The following NLRP4 variants were observed in gnomAD, a reference collection of about 807,000 sequenced individuals.
The protein encoded by NLRP4 is NLR family pyrin domain containing 4.
Under a neutral mutation model 84.7 loss-of-function variants are expected in NLRP4, and 44 were observed. That is an observed-to-expected ratio of 0.52 (90% CI 0.41 to 0.67). The LOEUF is 0.67. Among genes scored for constraint, NLRP4 ranks in the 30% least tolerant of loss-of-function variants. NLRP4 has a pLI of 0.00. For missense variants in NLRP4, 1,260 were observed against 1,219.4 expected (o/e 1.03, Z -0.50); for synonymous variants, 544 against 476.4 (o/e 1.14, Z -1.85).
chr19:55,856,401 C>A (rs1984414584), intron 2 of NLRP4, among the ~76,000 whole-genome samples: 1 of 152,150 alleles, frequency 6.6e-6, no homozygotes. Context: ...CTCCCCTTCC[C>A]CTTCCAGTGT....
chr19:55,855,325 T>C (rs1268081226), intron 2 of NLRP4, among the ~76,000 whole-genome samples: 1 of 152,222 alleles, frequency 6.6e-6, no homozygotes, highest in Non-Finnish European at 1.5e-5. Context: ...TACTTACACT[T>C]CTCTCTTTTC....
At chr19:55,878,721 G>A (rs920801010) in intron 8 of NLRP4, 73 bp from the exon 9 acceptor site, 31 of 1,378,650 alleles carry the variant, frequency 2.2e-5, no homozygotes, top group African/African-American at 5.7e-5. Context: ...TCAACTAGAC[G>A]TCTAGCTCAC....
At chr19:55,866,549 C>G (rs1270204360) in intron 5 of NLRP4, among the ~76,000 whole-genome samples, 2 of 152,114 alleles carry the variant, frequency 1.3e-5, no homozygotes, top group Non-Finnish European at 2.9e-5. Flanking sequence ...TAATAGAAAA[C>G]CACACAGTTA....
At position 55,857,922 on chromosome 19, in the gene NLRP4, A is replaced by G. The variant is rs1344560966; in HGVS notation, c.529A>G (p.Ile177Val). 11 of 1,614,072 alleles carry G rather than the reference A, an allele frequency of 6.8e-6. No individual in the cohort carries two copies. Among genetic ancestry groups the G allele is most frequent in the African/African-American group, 2.7e-5 (2 of 74,934 alleles). ...KLMMAWSDNK[I>V]FRDRFLYTFY... ...GATGATGGCCTGGTCGGACAACAAG[A>G]TCTTTCGGGATAGGTTCCTGTACAC... The change falls in exon 3 of 10, where the codon ATC becomes GTC. Residue 177 changes from isoleucine to valine, a missense_variant. This residue lies in a region of NLRP4 where 712 missense variants were observed against 669.2 expected (regional missense o/e 1.06). Transcript: ENST00000301295.
chr19:55,870,384 G>A (rs1975281), intron 6 of NLRP4, among the ~76,000 whole-genome samples: 5,584 of 152,238 alleles, frequency 0.037, 327 homozygotes, highest in African/African-American at 0.13. Flanking sequence ...TGAGAGGGCC[G>A]GACGCGGTGG....
At chr19:55,861,874 G>A (rs1239119806) in intron 4 of NLRP4, 118 bp from the exon 5 acceptor site, 1 of 780,308 alleles carries the variant, frequency 1.3e-6, no homozygotes, top group African/African-American at 1.7e-5. Context: ...ACTGAGCTGT[G>A]TCATTGGGCT....
At chr19:55,839,481 A>T (rs910441099) in intron 1 of NLRP4, among the ~76,000 whole-genome samples, 4 of 67,754 alleles carry the variant, frequency 5.9e-5, no homozygotes, top group Non-Finnish European at 7.6e-5. Flanking sequence ...GGAAGAGTTA[A>T]AAAAAAAAAA....
At position 55,861,483 on chromosome 19, in the gene NLRP4, G is replaced by C; in HGVS notation, c.1954G>C (p.Glu652Gln). The C allele has an allele frequency of 1.9e-6, 3 of 1,614,188 alleles. No individual in the cohort carries two copies. Among genetic ancestry groups the C allele is most frequent in the Non-Finnish European group, 2.5e-6 (3 of 1,180,026 alleles). The part of the protein sequence containing the change: ...ELQVQDSTLS[E>Q]STFVTWCNQL... ...CCAGGTGCAGGACAGCACCCTCAGC[G>C]AGTCGACCTTTGTGACCTGGTGTAA... is the stretch of plus-strand genomic sequence containing the variant. Residue 652 changes from glutamate to glutamine, a missense_variant, in exon 4 of 10, where the codon GAG becomes CAG. Transcript: ENST00000301295.
chr19:55,871,574 A>G (rs1985185400), intron 7 of NLRP4, among the ~76,000 whole-genome samples: 2 of 152,240 alleles, frequency 1.3e-5, no homozygotes, highest in South Asian at 4.1e-4. Context: ...TTAGGATAAC[A>G]TGTTGTTATG....
At chr19:55,857,597 C>T (rs181104975) in intron 2 of NLRP4, 77 bp from the exon 3 acceptor site, 96 of 1,386,468 alleles carry the variant, frequency 6.9e-5, no homozygotes, top group Middle Eastern at 3.6e-4. Context: ...AAAGATACAT[C>T]CTGAGAAGAA....
intron 8 of NLRP4, among the ~76,000 whole-genome samples, 180 bp from the exon 9 acceptor site, chr19:55,878,614 C>T (rs770226887): frequency 1.3e-5 from 2 of 152,154 alleles, no homozygotes; most frequent in Non-Finnish European, 1.5e-5. Context: ...GAAGAATGGA[C>T]ACTTATGGCT....
intron 3 of NLRP4, among the ~76,000 whole-genome samples, chr19:55,859,726 G>A (rs1269822511): frequency 2.6e-5 from 4 of 151,678 alleles, no homozygotes; most frequent in Admixed American, 1.3e-4. Flanking sequence ...TCAGGAGTTC[G>A]AGACTAGCCT....
chr19:55,849,137 C>T (rs1275426445), intron 1 of NLRP4, among the ~76,000 whole-genome samples: 4 of 152,140 alleles, frequency 2.6e-5, no homozygotes, highest in African/African-American at 9.7e-5. Context: ...GCCGCATCTC[C>T]TTAAAGGGGA....
intron 9 of NLRP4, among the ~76,000 whole-genome samples, chr19:55,880,126 A>G (rs1985531223): frequency 6.6e-6 from 1 of 152,136 alleles, no homozygotes; most frequent in East Asian, 1.9e-4. Flanking sequence ...GGGAAATATA[A>G]TGGGTTAAAA....
Position 55,862,969 on chromosome 19 carries a change from A to G in NLRP4, c.2186+810A>G, listed in dbSNP as rs1405746530. 2.0e-5 allele frequency among the ~76,000 whole-genome samples: 3 copies of G among 152,214 alleles called. No homozygotes were observed. The South Asian group carries it at 6.2e-4, about 32-fold the overall frequency. On this transcript the variant is annotated intron_variant, in intron 5 of 9. Transcript: ENST00000301295. ...GGATTCTGGCAGATTATGTAACCCA[A>G]TAATTCCACCTGGAGGTGCACATTC...
chr19:55,853,575 C>A (rs1191194921), intron 2 of NLRP4, among the ~76,000 whole-genome samples: 1 of 151,184 alleles, frequency 6.6e-6, no homozygotes, highest in Non-Finnish European at 1.5e-5. Flanking sequence ...CCTGGCTAAC[C>A]TTTTAAAAAA....
intron 2 of NLRP4, among the ~76,000 whole-genome samples, chr19:55,854,303 T>C: frequency 6.6e-6 from 1 of 152,324 alleles, no homozygotes. Context: ...ACATGTTTTA[T>C]TTATGCAGTT....
chr19:55,873,155 C>T (rs926682383), intron 7 of NLRP4, among the ~76,000 whole-genome samples: 1 of 152,108 alleles, frequency 6.6e-6, no homozygotes, highest in African/African-American at 2.4e-5. Flanking sequence ...AAGACTGTTC[C>T]TTAGACAGAA....
At chr19:55,848,554 C>A (rs995568700) in intron 1 of NLRP4, among the ~76,000 whole-genome samples, 1 of 152,118 alleles carries the variant, frequency 6.6e-6, no homozygotes, top group African/African-American at 2.4e-5. Flanking sequence ...CAGGTACCCA[C>A]CACCACATCC....
Sources: gnomAD v4.1 joint callset for allele counts (sites outside exome capture counted in the v4.1 genomes callset) on GRCh38, gnomAD v4.1.1 for gene constraint, gnomAD v4.1.1 regional missense constraint, MANE v1.5 for transcripts, NCBI Gene and HGNC (gene_info 2026-07-23, HGNC 2026-07-21) for gene names.